CIMAP2: variants seen among roughly 807,000 people sequenced by gnomAD.
The protein encoded by CIMAP2 is ciliary microtubule associated protein 2.
chr1:54,815,616 T>C, the CIMAP2 span, among the ~76,000 whole-genome samples: 1 of 152,198 alleles, frequency 6.6e-6, no homozygotes, highest in Non-Finnish European at 1.5e-5. Context: ...CTTTAGTTAG[T>C]GTTCTTGTAA....
chr1:54,808,622 C>A, the CIMAP2 span, among the ~76,000 whole-genome samples: 2 of 85,096 alleles, frequency 2.4e-5, no homozygotes, highest in African/African-American at 3.7e-5. Flanking sequence ...CGGGGGAGGG[C>A]AGTGGAGGGC....
chr1:54,819,573 G>A, the CIMAP2 span, among the ~76,000 whole-genome samples: 20 of 152,302 alleles, frequency 1.3e-4, no homozygotes, highest in Non-Finnish European at 2.5e-4. Flanking sequence ...GTCTCACTAT[G>A]TTGCCAAGGC....
At chr1:54,828,363 G>T in the CIMAP2 span, among the ~76,000 whole-genome samples, 2 of 152,118 alleles carry the variant, frequency 1.3e-5, no homozygotes, top group African/African-American at 4.8e-5. Context: ...TGCCATCCAG[G>T]GCGGGGGTGC....
At chr1:54,838,729 G>A in the CIMAP2 span, among the ~76,000 whole-genome samples, 2 of 152,128 alleles carry the variant, frequency 1.3e-5, no homozygotes. Flanking sequence ...GATGGTCTTG[G>A]ATGGAACAGC....
At chr1:54,823,382 A>G in the CIMAP2 span, among the ~76,000 whole-genome samples, 1 of 151,856 alleles carries the variant, frequency 6.6e-6, no homozygotes, top group South Asian at 2.1e-4. Flanking sequence ...TGCCTGATAT[A>G]AGTATAGCTA....
the CIMAP2 span, among the ~76,000 whole-genome samples, chr1:54,841,095 CCT>C: frequency 6.6e-6 from 1 of 152,172 alleles, no homozygotes; most frequent in Non-Finnish European, 1.5e-5. Flanking sequence ...GTGGGAAAGA[CCT>C]CTCTTACCCT....
chr1:54,818,492 C>A, the CIMAP2 span, among the ~76,000 whole-genome samples: 1 of 151,620 alleles, frequency 6.6e-6, no homozygotes, highest in Non-Finnish European at 1.5e-5. Flanking sequence ...TTTTGGCTAT[C>A]ATATTTTTTA....
chr1:54,806,288 C>T, the CIMAP2 span: 5 of 1,394,780 alleles, frequency 3.6e-6, no homozygotes, highest in Non-Finnish European at 2.8e-6. Context: ...CCCGAAGCCA[C>T]GCTTGGCCTC....
chr1:54,814,658 G>A, the CIMAP2 span, among the ~76,000 whole-genome samples: 3 of 152,236 alleles, frequency 2.0e-5, no homozygotes, highest in Non-Finnish European at 4.4e-5. Flanking sequence ...TCAGCTGTCT[G>A]GGCCCCACCA....
the CIMAP2 span, among the ~76,000 whole-genome samples, chr1:54,831,110 C>CAA: frequency 6.6e-6 from 1 of 152,244 alleles, no homozygotes; most frequent in East Asian, 1.9e-4. Flanking sequence ...CAATCTAAAT[C>CAA]AAAGACAATC....
At chr1:54,811,754 T>C in the CIMAP2 span, 1 of 1,362,260 alleles carries the variant, frequency 7.3e-7, no homozygotes, top group African/African-American at 1.4e-5. Flanking sequence ...GCACAAGGAG[T>C]GGTTCTGACA....
chr1:54,807,657 G>A, the CIMAP2 span: 1 of 1,606,800 alleles, frequency 6.2e-7, no homozygotes, highest in Non-Finnish European at 8.5e-7. Flanking sequence ...CCCACTTCCA[G>A]TACCAGGCCA....
chr1:54,808,083 C>A, the CIMAP2 span: 1 of 1,439,994 alleles, frequency 6.9e-7, no homozygotes, highest in East Asian at 2.5e-5. Context: ...AATTCATTCA[C>A]TTACATATCC....
the CIMAP2 span, chr1:54,811,662 C>A: frequency 2.1e-6 from 2 of 952,732 alleles, no homozygotes; most frequent in Non-Finnish European, 3.2e-6. Context: ...TGTCAGAGGG[C>A]AGGTAGCAAG....
chr1:54,838,253 C>T, the CIMAP2 span, among the ~76,000 whole-genome samples: 1 of 152,054 alleles, frequency 6.6e-6, no homozygotes, highest in Non-Finnish European at 1.5e-5. Context: ...GAGGCTGAGG[C>T]AGGCAGATCA....
chr1:54,824,231 T>C, the CIMAP2 span, among the ~76,000 whole-genome samples: 2 of 152,324 alleles, frequency 1.3e-5, no homozygotes, highest in South Asian at 4.1e-4. Flanking sequence ...GGGGTCTGTG[T>C]TGCCTAGGCA....
the CIMAP2 span, among the ~76,000 whole-genome samples, chr1:54,809,464 G>A: frequency 1.3e-5 from 2 of 152,210 alleles, no homozygotes; most frequent in Non-Finnish European, 1.5e-5. Context: ...TAGTGGACAT[G>A]TAGCATAGCA....
At chr1:54,815,026 T>C in the CIMAP2 span, 1 of 1,613,998 alleles carries the variant, frequency 6.2e-7, no homozygotes, top group Non-Finnish European at 8.5e-7. Flanking sequence ...TGCCAGATGA[T>C]TATGGGAAGC....
the CIMAP2 span, chr1:54,811,777 C>CGGGGGGGGGGGGG: frequency 2.0e-6 from 1 of 511,460 alleles, no homozygotes; most frequent in Non-Finnish European, 3.7e-6. Flanking sequence ...CTCCATGCCC[C>CGGGGGGGGGGGGG]CACCCCCGCC....
Sources: allele counts gnomAD v4.1 joint callset (sites outside exome capture counted in the v4.1 genomes callset), GRCh38; gene constraint gnomAD v4.1.1; transcripts MANE v1.5; gene names NCBI Gene and HGNC (gene_info 2026-07-23, HGNC 2026-07-21).